Variants in SCLT1 observed in about 807,000 individuals in gnomAD.
SCLT1 encodes sodium channel and clathrin linker 1.
SCLT1 carries 78 observed loss-of-function variants against 112.8 expected under a neutral mutation model. The observed-to-expected ratio is 0.69, with a 90% confidence interval of 0.58 to 0.83. The LOEUF (loss-of-function observed/expected upper bound fraction) is 0.83. SCLT1 is among the 40% of genes least tolerant of loss of function. The pLI, the probability that SCLT1 is intolerant of heterozygous loss-of-function variation, is 0.00. For missense variants in SCLT1, 747 were observed against 770.4 expected, an observed-to-expected ratio of 0.97 and a Z score of 0.36; for synonymous variants, 257 against 254.7, an observed-to-expected ratio of 1.01 and a Z score of -0.09.
intron 2 of SCLT1, among the ~76,000 whole-genome samples, chr4:129,057,027 CG>C (rs1749463934): frequency 2.0e-5 from 3 of 152,076 alleles, no homozygotes; most frequent in Admixed American, 6.6e-5. Flanking sequence ...ATGTGTTGAA[CG>C]TTTTTTTAAA....
At chr4:129,009,599 A>G (rs1482180875) in intron 5 of SCLT1, among the ~76,000 whole-genome samples, 1 of 151,886 alleles carries the variant, frequency 6.6e-6, no homozygotes, top group African/African-American at 2.4e-5. Context: ...GTGTAAAAGC[A>G]TTCCCTTTTC....
chr4:128,935,652 C>T (rs138257621), intron 18 of SCLT1, among the ~76,000 whole-genome samples: 13 of 151,980 alleles, frequency 8.6e-5, no homozygotes, highest in African/African-American at 2.9e-4. Context: ...ATAAATATCA[C>T]CCATTATTGC....
intron 10 of SCLT1, among the ~76,000 whole-genome samples, chr4:128,966,584 T>C (rs1415431758): frequency 6.6e-6 from 1 of 152,200 alleles, no homozygotes; most frequent in Non-Finnish European, 1.5e-5. Flanking sequence ...TGTTATTTCA[T>C]ATTTGCCATT....
At chr4:128,973,465 G>GGAGAGGGAGAGGGAGGGA (rs1740873012) in intron 9 of SCLT1, among the ~76,000 whole-genome samples, 2 of 150,026 alleles carry the variant, frequency 1.3e-5, no homozygotes, top group East Asian at 2.0e-4. Context: ...GTGGGAGGGA[G>GGAGAGGGAGAGGGAGGGA]GAGAGGGAGA....
chr4:129,079,216 G>A lies in SCLT1; in HGVS notation c.102+3090C>T, dbSNP rs114450611. Among the ~76,000 whole-genome samples, 763 of 152,028 alleles carry A rather than the reference G, an allele frequency of 5.0e-3. 10 individuals are homozygous for A. The highest frequency in any genetic ancestry group is 0.017 in the African/African-American group (690 of 41,466). On this transcript the variant is annotated intron_variant, in intron 2 of 20. Transcript: ENST00000281142. Reference sequence around the variant, plus strand: ...TATCCTCACACTGGAAAATACAATCGTCCCTCCTCAACAGTCCCCCAAGTC... The same window carrying A: ...TATCCTCACACTGGAAAATACAATCATCCCTCCTCAACAGTCCCCCAAGTC...
chr4:128,953,109 G>A (rs1003656215), intron 13 of SCLT1, among the ~76,000 whole-genome samples: 2 of 152,022 alleles, frequency 1.3e-5, no homozygotes, highest in African/African-American at 2.4e-5. Flanking sequence ...AAGATCTTTT[G>A]CTTATAATGG....
chr4:128,965,542 A>G (rs1296389764), intron 10 of SCLT1, among the ~76,000 whole-genome samples: 1 of 152,232 alleles, frequency 6.6e-6, no homozygotes, highest in Non-Finnish European at 1.5e-5. Flanking sequence ...TACTCCAAAC[A>G]GTTATTGCAC....
intron 19 of SCLT1, among the ~76,000 whole-genome samples, chr4:128,889,229 T>C (rs1190326233): frequency 2.0e-5 from 3 of 152,202 alleles, no homozygotes; most frequent in African/African-American, 7.2e-5. Flanking sequence ...AATTGTGTCC[T>C]AACCCCCAGT....
chr4:128,886,090 ATTATAT>A (rs1262272040), intron 20 of SCLT1, among the ~76,000 whole-genome samples: 3 of 152,142 alleles, frequency 2.0e-5, no homozygotes, highest in Non-Finnish European at 2.9e-5. Context: ...TGAAACTGTG[ATTATAT>A]TTATTAATTT....
chr4:129,071,241 T>C (rs558340608), intron 2 of SCLT1, among the ~76,000 whole-genome samples: 127 of 152,280 alleles, frequency 8.3e-4, no homozygotes, highest in African/African-American at 2.9e-3. Context: ...TTGAACAGAA[T>C]GTGTATTCTG....
At chr4:129,036,516 A>G (rs1203943599) in intron 5 of SCLT1, 1 of 152,078 alleles carries the variant, frequency 6.6e-6, no homozygotes, top group African/African-American at 2.4e-5. Flanking sequence ...TTGGAAAAGA[A>G]TAGTAAATCA....
At chr4:128,877,421 C>T (rs1732546944) in intron 3 of SCLT1, among the ~76,000 whole-genome samples, 1 of 152,164 alleles carries the variant, frequency 6.6e-6, no homozygotes, top group Admixed American at 6.5e-5. Context: ...GTGGCTCACG[C>T]CTGTAATCCC....
intron 2 of SCLT1, among the ~76,000 whole-genome samples, chr4:129,073,845 T>C (rs1348250252): frequency 6.6e-6 from 1 of 152,164 alleles, no homozygotes; most frequent in Non-Finnish European, 1.5e-5. Context: ...TTCTCTCCTA[T>C]ATGCCAAATA....
At chr4:129,090,678 T>C in intron 1 of SCLT1, among the ~76,000 whole-genome samples, 1 of 152,220 alleles carries the variant, frequency 6.6e-6, no homozygotes, top group East Asian at 1.9e-4. Context: ...ATCACCACTC[T>C]GCCAGTGAGT....
chr4:128,890,203 G>A (rs1413826330), intron 19 of SCLT1, among the ~76,000 whole-genome samples: 1 of 152,080 alleles, frequency 6.6e-6, no homozygotes, highest in Non-Finnish European at 1.5e-5. Context: ...TAATGGTTGA[G>A]GAACAGTTCA....
chr4:129,025,790 G>A (rs1746005863), intron 5 of SCLT1, among the ~76,000 whole-genome samples: 1 of 151,820 alleles, frequency 6.6e-6, no homozygotes, highest in Non-Finnish European at 1.5e-5. Flanking sequence ...TCAGTGTGCT[G>A]TATTCAGGAA....
At chr4:128,892,704 G>C (rs909323653) in intron 18 of SCLT1, among the ~76,000 whole-genome samples, 12 of 152,138 alleles carry the variant, frequency 7.9e-5, no homozygotes, top group Non-Finnish European at 1.6e-4. Context: ...CAGGTGCAAG[G>C]TATGTGGTGG....
chr4:128,991,165 C>A (rs570465943), intron 9 of SCLT1, among the ~76,000 whole-genome samples: 1 of 152,076 alleles, frequency 6.6e-6, no homozygotes, highest in South Asian at 2.1e-4. Context: ...ATCACATTAA[C>A]TGACTTCAAA....
intron 5 of SCLT1, chr4:129,037,048 C>T (rs1747239347): frequency 6.7e-6 from 1 of 150,316 alleles, no homozygotes; most frequent in African/African-American, 2.4e-5. Flanking sequence ...TTTTTAGTAG[C>T]AAATATAAGA....
Sources: gnomAD v4.1 joint callset for allele counts (sites outside exome capture counted in the v4.1 genomes callset) on GRCh38, gnomAD v4.1.1 for gene constraint, MANE v1.5 for transcripts, NCBI Gene and HGNC (gene_info 2026-07-23, HGNC 2026-07-21) for gene names.